Variants in PSD4 observed in about 807,000 individuals in gnomAD.
PSD4 encodes the protein pleckstrin and Sec7 domain containing 4, also known as PH and SEC7 domain-containing protein 4.
PSD4 carries 59 observed loss-of-function variants against 112.5 expected under a neutral mutation model. The observed-to-expected ratio is 0.52, with a 90% CI of 0.43 to 0.65. The LOEUF (loss-of-function observed/expected upper bound fraction) is 0.65, where lower values mean the gene tolerates loss of function less well. Among genes scored for constraint, PSD4 ranks in the 30% least tolerant of loss-of-function variants. The pLI, the probability that PSD4 is intolerant of heterozygous loss-of-function variation, is 0.00. For synonymous variants in PSD4, 533 were observed against 540.0 expected, an observed-to-expected ratio of 0.99 and a Z score of 0.18; for missense variants, 1,267 against 1,352.6, an observed-to-expected ratio of 0.94 and a Z score of 0.99.
At chr2:113,198,472 C>G in intron 14 of PSD4, 1 of 383,148 alleles carries the variant, frequency 2.6e-6, no homozygotes, top group Non-Finnish European at 4.6e-6. Context: ...GGGTTTCACC[C>G]TGTTGACCAG....
chr2:113,187,277 T>C (rs1235055332), intron 5 of PSD4, among the ~76,000 whole-genome samples: 3 of 152,230 alleles, frequency 2.0e-5, no homozygotes, highest in Non-Finnish European at 2.9e-5. Flanking sequence ...CCTAGCGTTG[T>C]TTTCTCCAAT....
chr2:113,185,138 C>A (rs959521346), intron 3 of PSD4, 65 bp downstream of exon 3: 12 of 1,608,706 alleles, frequency 7.5e-6, no homozygotes, highest in Non-Finnish European at 1.0e-5. Context: ...TGAGCCCATT[C>A]ATTTCCAGGG....
chr2:113,201,126 G>T, intron 16 of PSD4, 32 bp from the exon 17 acceptor site: 1 of 1,571,452 alleles, frequency 6.4e-7, no homozygotes, highest in Non-Finnish European at 8.7e-7. Context: ...GAGCCAGGAT[G>T]GTGCTAAGGT....
chr2:113,177,571 C>T (rs773946120), intron 1 of PSD4, among the ~76,000 whole-genome samples: 1 of 152,190 alleles, frequency 6.6e-6, no homozygotes, highest in East Asian at 1.9e-4. Context: ...ACAGGGGGGC[C>T]TGAACCTCTT....
chr2:113,193,971 A>G, intron 10 of PSD4, 23 bp downstream of exon 10: 1 of 1,606,714 alleles, frequency 6.2e-7, no homozygotes, highest in Non-Finnish European at 8.5e-7. Context: ...GGGTCTTCTT[A>G]TGAGCCTCAT....
chr2:113,193,782 C>T (rs1338422259), intron 9 of PSD4, 77 bp from the exon 10 acceptor site: 2 of 1,568,976 alleles, frequency 1.3e-6, no homozygotes. Flanking sequence ...GGAAAGGGTT[C>T]CATGGTTGCT....
chr2:113,182,661 G>T lies in PSD4; in HGVS notation c.205G>T (p.Gly69Cys), dbSNP rs141939215. 81 of 1,613,528 alleles carry T rather than the reference G, an allele frequency of 5.0e-5. No homozygotes were observed. Among genetic ancestry groups the T allele is most frequent in the Non-Finnish European group, 6.7e-5 (79 of 1,179,790 alleles). ...ACAAAATGTTCCTCCCTGGGGCTCC[G>T]GTGTGGAGCTCACACACCTGGGGAG... ...TRQNVPPWGS[G>C]VELTHLGSWV... The change falls in exon 2 of 17, where the codon GGT becomes TGT. Residue 69 changes from glycine to cysteine, a missense_variant. Physicochemically the swap from Gly to Cys is radical, Grantham distance 159. Coordinates refer to ENST00000245796, the MANE Select transcript of PSD4 (RefSeq NM_012455.3).
intron 5 of PSD4, among the ~76,000 whole-genome samples, chr2:113,189,153 T>C (rs1398478243): frequency 6.6e-6 from 1 of 152,196 alleles, no homozygotes; most frequent in Non-Finnish European, 1.5e-5. Context: ...AGTGAGAACA[T>C]AGGATGTTTG....
At chr2:113,189,351 GTA>G (rs35251391) in intron 5 of PSD4, among the ~76,000 whole-genome samples, 31 of 146,054 alleles carry the variant, frequency 2.1e-4, no homozygotes, top group East Asian at 1.4e-3. Context: ...ATATATAATA[GTA>G]TATATATATA....
Position 113,198,798 on chromosome 2 carries a change from T to A in PSD4, c.2683T>A (p.Ser895Thr), listed in dbSNP as rs758314419. 6.3e-7 allele frequency: 1 copy of A among 1,588,850 alleles called. No individual in the cohort carries two copies. The highest frequency in any genetic ancestry group is 8.5e-7 in the Non-Finnish European group (1 of 1,171,780). The change falls in exon 15 of 17, where the codon TCC becomes ACC. Residue 895 changes from serine (S) to threonine (T), a missense_variant. Coordinates refer to ENST00000245796, the MANE Select transcript of PSD4 (RefSeq NM_012455.3). ...ARINLAAATH[S>T]APPFPAAVGS... ...CATCAACTTGGCTGCGGCCACGCAC[T>A]CCGCGCCGCCCTTCCCCGCCGCTGT...
intron 16 of PSD4, among the ~76,000 whole-genome samples, chr2:113,200,649 G>A (rs1688749815): frequency 6.6e-6 from 1 of 152,238 alleles, no homozygotes; most frequent in African/African-American, 2.4e-5. Flanking sequence ...GGGATGGAGG[G>A]TGAGGAAGCA....
At position 113,183,382 on chromosome 2, in the gene PSD4, G is replaced by A. The variant is rs781704290; in HGVS notation, c.926G>A (p.Gly309Asp). 4 of 1,577,592 alleles carry A rather than the reference G, an allele frequency of 2.5e-6. No homozygotes were observed. The highest frequency in any genetic ancestry group is 3.6e-5 in the Admixed American group (2 of 56,136). Residue 309 changes from glycine (G) to aspartate (D), a missense_variant, in exon 2 of 17, where the codon GGC (glycine) becomes GAC (aspartate). Gly to Asp is a moderately conservative substitution (Grantham distance 94). Coordinates refer to ENST00000245796, the MANE Select transcript of PSD4 (RefSeq NM_012455.3). Reference protein sequence around the residue: ...ELESEPDLGDGAAISGHCTPP... With the variant: ...ELESEPDLGDDAAISGHCTPP... The stretch of plus-strand genomic sequence containing the variant: ...GAAAGTGAGCCAGATTTGGGGGACG[G>A]CGCTGCTATCAGTGGGCATTGTACC...
intron 16 of PSD4, among the ~76,000 whole-genome samples, chr2:113,199,983 A>G (rs935412215): frequency 1.3e-5 from 2 of 151,786 alleles, no homozygotes; most frequent in African/African-American, 4.8e-5. Context: ...GAGCCACCAC[A>G]CCTGGATAAG....
At chr2:113,182,189 G>T (rs1336421205) in intron 1 of PSD4, among the ~76,000 whole-genome samples, 157 bp from the exon 2 acceptor site, 1 of 152,200 alleles carries the variant, frequency 6.6e-6, no homozygotes, top group Non-Finnish European at 1.5e-5. Flanking sequence ...TGGAATATGT[G>T]GTACACTCCT....
In PSD4 at chr2:113,206,065, TCTC is replaced by T. The variant is rs1446730713; in HGVS notation, c.*4653_*4655del. ...CCTCAGCCGGCACACTGGCTCCTCT[TCTC>T]CTGCCTGCCACAGACCTCTCTCCTT... On this transcript the variant is annotated 3_prime_UTR_variant, in exon 17 of 17. Coordinates refer to ENST00000245796, the MANE Select transcript of PSD4 (RefSeq NM_012455.3). 1 of 152,490 alleles carries T rather than the reference TCTC, an allele frequency of 6.6e-6. No homozygotes were observed. Among genetic ancestry groups the T allele is most frequent in the Admixed American group, 6.5e-5 (1 of 15,276 alleles). The allele number at this position is 152,490 out of a possible 1,614,324, so 9.4% of individuals were successfully genotyped here.
At chr2:113,193,216 A>G (rs1488814334) in intron 7 of PSD4, 42 bp from the exon 8 acceptor site, 1 of 1,592,668 alleles carries the variant, frequency 6.3e-7, no homozygotes, top group East Asian at 2.2e-5. Context: ...GATTGGCCCT[A>G]AGCTCCCGGG....
In PSD4 at chr2:113,183,065, C is replaced by T. The variant is rs750016909; in HGVS notation, c.609C>T (p.Ser203=). 6.2e-7 allele frequency: 1 copy of T among 1,612,824 alleles called. No individual in the cohort carries two copies. Among genetic ancestry groups the T allele is most frequent in the Non-Finnish European group, 8.5e-7 (1 of 1,179,162 alleles). ...TCCCCGGGGACACGGGCCTGCACTCCAGCCCACCTGAGAATGAAGACTCAG... is the reference window on the plus strand; with the variant it reads ...TCCCCGGGGACACGGGCCTGCACTCTAGCCCACCTGAGAATGAAGACTCAG... ...VDLPGDTGLH[S]SPPENEDSGE... The change falls in exon 2 of 17, where the codon TCC becomes TCT. Residue 203 remains serine (S), a synonymous_variant. Coordinates refer to ENST00000245796, the MANE Select transcript of PSD4 (RefSeq NM_012455.3).
chr2:113,197,056 C>T (rs577499403), intron 12 of PSD4: 55 of 205,608 alleles, frequency 2.7e-4, no homozygotes, highest in African/African-American at 1.3e-3. Flanking sequence ...TAGAATGGAT[C>T]TTACCACACA....
intron 2 of PSD4, 39 bp from the exon 3 acceptor site, chr2:113,184,918 C>T (rs766616993): frequency 2.5e-6 from 4 of 1,612,114 alleles, no homozygotes; most frequent in Non-Finnish European, 2.5e-6. Context: ...AGTCACCTCT[C>T]CTCTCCTTCT....
Sources: allele counts gnomAD v4.1 joint callset (sites outside exome capture counted in the v4.1 genomes callset), GRCh38; gene constraint gnomAD v4.1.1; transcripts MANE v1.5; gene names NCBI Gene and HGNC (gene_info 2026-07-23, HGNC 2026-07-21).